Variants in ANO5 observed in about 807,000 individuals in gnomAD.
ANO5 encodes the protein anoctamin 5.
In ANO5, 109 loss-of-function variants were observed where a neutral mutation model predicts 121.0. That is an observed-to-expected ratio of 0.90 (90% confidence interval 0.77 to 1.06). ANO5 has a LOEUF of 1.06. Among genes scored for constraint, ANO5 ranks in the 50% least tolerant of loss-of-function variants. The pLI is 0.00. For missense variants in ANO5, 1,064 were observed against 1,078.5 expected, an observed-to-expected ratio of 0.99 and a Z score of 0.19; for synonymous variants, 406 against 359.9, an observed-to-expected ratio of 1.13 and a Z score of -1.45.
chr11:22,268,620 T>C (rs1214223702), intron 17 of ANO5, among the ~76,000 whole-genome samples: 1 of 152,232 alleles, frequency 6.6e-6, no homozygotes, highest in Non-Finnish European at 1.5e-5. Flanking sequence ...TTTCTTATTT[T>C]ATTTTACTGG....
At chr11:22,267,451 C>G (rs1318375284) in intron 17 of ANO5, among the ~76,000 whole-genome samples, 4 of 150,334 alleles carry the variant, frequency 2.7e-5, no homozygotes, top group Non-Finnish European at 5.9e-5. Flanking sequence ...ACAATATTAT[C>G]TACAATACTT....
intron 17 of ANO5, among the ~76,000 whole-genome samples, chr11:22,263,584 C>T (rs1032126391): frequency 9.9e-5 from 15 of 152,140 alleles, no homozygotes; most frequent in African/African-American, 3.6e-4. Context: ...ATAATGAATA[C>T]ATTATAAAAA....
At chr11:22,275,464 CTAATGTGTT>C (rs1269292198) in intron 20 of ANO5, among the ~76,000 whole-genome samples, 1 of 151,782 alleles carries the variant, frequency 6.6e-6, no homozygotes, top group African/African-American at 2.4e-5. Context: ...AAATCATAGC[CTAATGTGTT>C]TAAGAGCATG....
rs886048126 is a variant in ANO5 at position 22,279,871 on chromosome 11, T to C, written c.*106T>C. 2.0e-6 allele frequency: 2 copies of C among 988,182 alleles called. No individual in the cohort carries two copies. The highest frequency in any genetic ancestry group is 2.6e-5 in the East Asian group (1 of 38,334). 61.2% of individuals were successfully genotyped at this position (988,182 alleles called of 1,614,324 possible). ...GTGTCAATTTTACCCTTTCTTTTTT[T>C]TTTTTTTCTTTTTTTTTTTAAACTC... On this transcript the variant is annotated 3_prime_UTR_variant, in exon 22 of 22. Coordinates refer to ENST00000324559, the MANE Select transcript of ANO5 (RefSeq NM_213599.3).
intron 1 of ANO5, among the ~76,000 whole-genome samples, chr11:22,200,044 A>G (rs938519106): frequency 6.6e-6 from 1 of 152,092 alleles, no homozygotes; most frequent in Non-Finnish European, 1.5e-5. Flanking sequence ...TTGGAAAACA[A>G]TTATCTACTG....
rs927665106 is a variant in ANO5 at position 22,204,471 on chromosome 11, G to A, written c.87+621G>A. Among the ~76,000 whole-genome samples the A allele has an allele frequency of 1.6e-4, 25 of 152,196 alleles. 1 individual carries two copies. The highest frequency in any genetic ancestry group is 4.3e-4 in the African/African-American group (18 of 41,554). On this transcript the variant is annotated intron_variant, in intron 2 of 21. Transcript: ENST00000324559. ...ATGCATAGCTCTCACAGAGGTAGAC[G>A]TCCTTGAGTGGTTTCAGGATGTCCT...
At chr11:22,215,450 C>T (rs916784405) in intron 3 of ANO5, among the ~76,000 whole-genome samples, 1 of 151,936 alleles carries the variant, frequency 6.6e-6, no homozygotes, top group Non-Finnish European at 1.5e-5. Context: ...TATGCCATCT[C>T]AATTCTCAAA....
intron 13 of ANO5, among the ~76,000 whole-genome samples, chr11:22,256,434 A>G (rs964968147): frequency 1.7e-4 from 26 of 152,100 alleles, no homozygotes; most frequent in African/African-American, 6.3e-4. Context: ...GATCATGAAA[A>G]CATCTCAAAA....
chr11:22,193,732 C>T (rs976267150), intron 1 of ANO5, among the ~76,000 whole-genome samples, 200 bp downstream of exon 1: 5 of 152,126 alleles, frequency 3.3e-5, no homozygotes, highest in Non-Finnish European at 7.4e-5. Context: ...GGTTTCGGCG[C>T]CCCACAGATT....
intron 21 of ANO5, among the ~76,000 whole-genome samples, chr11:22,277,253 AT>A (rs1159369169): frequency 4.6e-5 from 7 of 151,698 alleles, no homozygotes; most frequent in African/African-American, 1.7e-4. Context: ...ATTAAAGCAT[AT>A]TTTTTTGGTC....
At chr11:22,195,584 G>A (rs1344239745) in intron 1 of ANO5, among the ~76,000 whole-genome samples, 1 of 151,880 alleles carries the variant, frequency 6.6e-6, no homozygotes, top group Non-Finnish European at 1.5e-5. Context: ...GCTGCACCAC[G>A]ACCTCCCCAG....
At chr11:22,211,912 T>G (rs1031189039) in intron 3 of ANO5, among the ~76,000 whole-genome samples, 1 of 151,918 alleles carries the variant, frequency 6.6e-6, no homozygotes, top group African/African-American at 2.4e-5. Flanking sequence ...AGTACTAATC[T>G]TTAGTGTTTT....
intron 14 of ANO5, among the ~76,000 whole-genome samples, chr11:22,259,151 A>G (rs1854103492): frequency 1.4e-5 from 2 of 147,372 alleles, no homozygotes; most frequent in African/African-American, 2.5e-5. Flanking sequence ...AAAAAAAAAG[A>G]GAAAAAAACA....
intron 13 of ANO5, among the ~76,000 whole-genome samples, chr11:22,257,071 CG>C (rs1854024244): frequency 2.2e-5 from 1 of 45,356 alleles, no homozygotes; most frequent in South Asian, 6.3e-4. Context: ...CTGCTGACAG[CG>C]TTTTTTTTTT....
At chr11:22,215,065 T>C (rs1852396375) in intron 3 of ANO5, among the ~76,000 whole-genome samples, 1 of 151,918 alleles carries the variant, frequency 6.6e-6, no homozygotes, top group Non-Finnish European at 1.5e-5. Context: ...GAACCTATCT[T>C]AGAGTGACTA....
rs757577552 is a variant in ANO5, at chr11:22,274,763, G to A, written c.2414+16G>A. 6.2e-7 allele frequency: 1 copy of A among 1,611,734 alleles called. No homozygotes were observed. Among genetic ancestry groups the A allele is most frequent in the South Asian group, 1.1e-5 (1 of 91,032 alleles). On this transcript the variant is annotated intron_variant, in intron 20 of 21. Transcript: ENST00000324559. The stretch of plus-strand genomic sequence containing the variant: ...TCACTTGCAGGTGATTTGTTTGTTT[G>A]TTTGTTTAGGTTTTAGTTTTATCCC...
In ANO5 at chr11:22,281,567, T is replaced by A. The variant is rs1411706323; in HGVS notation, c.*1802T>A. On this transcript the variant is annotated 3_prime_UTR_variant, in exon 22 of 22. Transcript: ENST00000324559. ...CATGATGTGTGCAACCAATGTAGGATCTTTGGCTTGTCAAATCAGATTCTC... is the reference window on the plus strand; with the variant it reads ...CATGATGTGTGCAACCAATGTAGGAACTTTGGCTTGTCAAATCAGATTCTC... 1 of 152,080 alleles carries A rather than the reference T, an allele frequency of 6.6e-6. No individual in the cohort carries two copies. Among genetic ancestry groups the A allele is most frequent in the East Asian group, 1.9e-4 (1 of 5,198 alleles). 9.4% of individuals were successfully genotyped at this position (152,080 alleles called of 1,614,324 possible).
At chr11:22,227,671 C>CGA in intron 7 of ANO5, 85 bp downstream of exon 7, 1 of 1,526,470 alleles carries the variant, frequency 6.6e-7, no homozygotes, top group East Asian at 2.3e-5. Context: ...AGATGTCGTA[C>CGA]CATTTCTGCA....
chr11:22,239,549 C>G lies in ANO5; in HGVS notation c.763-20C>G. ...TCTTTTGCTTCGTCTTTTATGTACC[C>G]TCCTCTTGAATATCTGCAGGGCCAA... On this transcript the variant is annotated intron_variant, in intron 8 of 21. Transcript: ENST00000324559. 1.3e-6 allele frequency: 2 copies of G among 1,550,440 alleles called. No homozygotes were observed. The highest frequency in any genetic ancestry group is 2.2e-5 in the South Asian group (2 of 89,764).
Sources: allele counts gnomAD v4.1 joint callset (sites outside exome capture counted in the v4.1 genomes callset), GRCh38; gene constraint gnomAD v4.1.1; transcripts MANE v1.5; gene names NCBI Gene and HGNC (gene_info 2026-07-23, HGNC 2026-07-21).